Variants in KCNH6 observed in about 807,000 individuals in gnomAD.
KCNH6 encodes voltage-gated inwardly rectifying potassium channel KCNH6.
In KCNH6, 81 loss-of-function variants were observed where a neutral mutation model predicts 83.4. That is an observed-to-expected ratio of 0.97 (90% CI 0.81 to 1.17). The LOEUF is 1.17. Ranked by LOEUF, KCNH6 falls within the 50% of genes most tolerant of loss-of-function variation. KCNH6 has a pLI of 0.00. For missense variants in KCNH6, 1,203 were observed against 1,290.5 expected (o/e 0.93, Z 1.04); for synonymous variants, 503 against 545.6 (o/e 0.92, Z 1.09).
In KCNH6 at chr17:63,538,245, A is replaced by G. The variant is rs768962274; in HGVS notation, c.1682A>G (p.Asn561Ser). The change falls in exon 7 of 13, where the codon AAT becomes AGT. Residue 561 changes from asparagine to serine, a missense_variant. Physicochemically the swap from Asn to Ser is conservative, Grantham distance 46. Coordinates refer to ENST00000314672, the MANE Select transcript of KCNH6 (RefSeq NM_001278919.2). This position sits in a 1 kb window ranked among gnomAD's most constrained non-coding sequence, Gnocchi z 4.0. ...EYFQHAWSYTNGIDMNAVLKG... is the reference protein window; with the variant it reads ...EYFQHAWSYTSGIDMNAVLKG... ...TTCCAGCACGCCTGGTCCTACACCA[A>G]TGGCATTGACATGAACGCGGTGAGC... 6.2e-7 allele frequency: 1 copy of G among 1,614,090 alleles called. No individual in the cohort carries two copies. The highest frequency in any genetic ancestry group is 1.7e-4 in the Middle Eastern group (1 of 6,060).
downstream of KCNH6, chr17:63,548,855 G>A (rs557441718): frequency 3.9e-5 from 6 of 152,254 alleles, no homozygotes; most frequent in African/African-American, 1.4e-4. Context: ...CAGCTACTCA[G>A]GAGGCTGAAG....
rs761650858 is a variant in KCNH6 at position 63,534,200 on chromosome 17, G to A, written c.990G>A (p.Val330=). ...CCTATGTCAACACCAATGATGAGGT[G>A]GTCAGCCACCCCCGCCGCATCGCCG... ...RTTYVNTNDE[V]VSHPRRIAVH... is the part of the protein sequence containing the mutation. The change falls in exon 5 of 13, where the codon GTG becomes GTA. Residue 330 remains valine, a synonymous_variant. Coordinates refer to ENST00000314672, the MANE Select transcript of KCNH6 (RefSeq NM_001278919.2). This position sits in a 1 kb window ranked among gnomAD's most constrained non-coding sequence, Gnocchi z 5.0. The A allele has an allele frequency of 1.2e-6, 2 of 1,613,960 alleles. No individual in the cohort carries two copies. Among genetic ancestry groups the A allele is most frequent in the South Asian group, 1.1e-5 (1 of 91,080 alleles).
rs778386771 is a variant in KCNH6 at position 63,534,285 on chromosome 17, CT to C, written c.1076del (p.Leu359ArgfsTer13). On this transcript the variant is annotated frameshift_variant, in exon 5 of 13. Transcript: ENST00000314672. LOFTEE classifies it high-confidence loss of function. This position sits in a 1 kb window ranked among gnomAD's most constrained non-coding sequence, Gnocchi z 5.0. The part of the protein sequence containing the change: ...DMVAAIPFDL[L>X]IFRTGSDETT... ...GGTGGCCGCCATCCCTTTCGACCTC[CT>C]GATCTTCCGCACTGGCTCCGATGAG... is the stretch of plus-strand genomic sequence containing the variant. 1 of 1,613,782 alleles carries C rather than the reference CT, an allele frequency of 6.2e-7. No homozygotes were observed. The highest frequency in any genetic ancestry group is 8.5e-7 in the Non-Finnish European group (1 of 1,179,770).
intron 11 of KCNH6, 55 bp from the exon 12 acceptor site, chr17:63,545,023 C>T (rs2147739547): frequency 1.3e-6 from 2 of 1,555,438 alleles, no homozygotes; most frequent in Non-Finnish European, 8.8e-7. Context: ...TGACAGCTGC[C>T]CTCAGGAACT....
At chr17:63,530,006 T>G in intron 2 of KCNH6, 85 bp from the exon 3 acceptor site, 1 of 1,463,278 alleles carries the variant, frequency 6.8e-7, no homozygotes, top group Non-Finnish European at 9.3e-7. Context: ...TCACTTGACC[T>G]TCACTCAGCC....
At chr17:63,536,163 T>G in intron 6 of KCNH6, 95 bp downstream of exon 6, 1 of 1,118,164 alleles carries the variant, frequency 8.9e-7, no homozygotes, top group South Asian at 1.4e-5. Flanking sequence ...ACATAACACA[T>G]AGCAACAATT....
At chr17:63,529,974 C>T in intron 2 of KCNH6, 117 bp from the exon 3 acceptor site, 1 of 1,090,692 alleles carries the variant, frequency 9.2e-7, no homozygotes, top group East Asian at 2.5e-5. Context: ...ACTGTCCAAG[C>T]CTCTTCACCC....
At chr17:63,536,177 G>A in intron 6 of KCNH6, 109 bp downstream of exon 6, 1 of 975,680 alleles carries the variant, frequency 1.0e-6, no homozygotes, top group Non-Finnish European at 1.6e-6. Context: ...AACAATTCAT[G>A]CAGTACACTG....
chr17:63,542,629 A>G (rs2032932010), intron 9 of KCNH6, among the ~76,000 whole-genome samples, 195 bp downstream of exon 9: 1 of 152,226 alleles, frequency 6.6e-6, no homozygotes, highest in Non-Finnish European at 1.5e-5. Flanking sequence ...GTAGGGTGCT[A>G]AGGGTGGGGC....
intron 2 of KCNH6, among the ~76,000 whole-genome samples, chr17:63,527,292 G>C (rs972037555): frequency 6.6e-6 from 1 of 152,224 alleles, no homozygotes; most frequent in South Asian, 2.1e-4. Context: ...CTAGGAGGCA[G>C]CATGCAGCGG....
At position 63,538,357 on chromosome 17, in the gene KCNH6, C is replaced by G; in HGVS notation, c.1702-53C>G. 1.3e-6 allele frequency: 2 copies of G among 1,595,320 alleles called. 1 individual carries two copies. The highest frequency in any genetic ancestry group is 1.7e-6 in the Non-Finnish European group (2 of 1,170,514). On this transcript the variant is annotated intron_variant, in intron 7 of 12. Transcript: ENST00000314672. This position sits in a 1 kb window ranked among gnomAD's most constrained non-coding sequence, Gnocchi z 4.0. Reference sequence around the variant, plus strand: ...GTCCCCAGAGCCCTCACCACCCTCTCCCCCAGCCCCACCCCGGCCGCGTCC... The same window carrying G: ...GTCCCCAGAGCCCTCACCACCCTCTGCCCCAGCCCCACCCCGGCCGCGTCC...
At chr17:63,527,536 A>T (rs1197527178) in intron 2 of KCNH6, among the ~76,000 whole-genome samples, 3 of 152,146 alleles carry the variant, frequency 2.0e-5, no homozygotes, top group Non-Finnish European at 4.4e-5. Context: ...GTAAGAACCT[A>T]GCATATAAGA....
At chr17:63,528,189 G>A (rs1229573451) in intron 2 of KCNH6, among the ~76,000 whole-genome samples, 1 of 152,238 alleles carries the variant, frequency 6.6e-6, no homozygotes. Context: ...GAGGCCACTG[G>A]CCAAGGAGGC....
Position 63,523,491 on chromosome 17 carries a change from T to G in KCNH6, c.76+2T>G. Reference sequence around the variant, plus strand: ...TCATCCGCAAGTTCGAGGGCCAAAGTGAGTGTGTGTATGTTGGGGCGGGGG... The same window carrying G: ...TCATCCGCAAGTTCGAGGGCCAAAGGGAGTGTGTGTATGTTGGGGCGGGGG... On this transcript the variant is annotated splice_donor_variant, in intron 1 of 12. Coordinates refer to ENST00000314672, the MANE Select transcript of KCNH6 (RefSeq NM_001278919.2). LOFTEE classifies it high-confidence loss of function. The surrounding 1 kb of genome is among the most constrained non-coding windows in gnomAD (Gnocchi z 4.2). 6.3e-7 allele frequency: 1 copy of G among 1,595,800 alleles called. No homozygotes were observed. Among genetic ancestry groups the G allele is most frequent in the African/African-American group, 1.4e-5 (1 of 71,744 alleles).
chr17:63,537,977 G>C (rs2147697322), intron 6 of KCNH6, 88 bp from the exon 7 acceptor site: 7 of 1,292,886 alleles, frequency 5.4e-6, no homozygotes, highest in East Asian at 2.5e-5. Flanking sequence ...TCACCAGGGG[G>C]CTGCTGGAAG....
intron 12 of KCNH6, 37 bp downstream of exon 12, chr17:63,545,301 A>G: frequency 6.2e-7 from 1 of 1,600,770 alleles, no homozygotes; most frequent in Non-Finnish European, 8.5e-7. Context: ...CTTACCTGCG[A>G]GCAGCTGCAT....
chr17:63,539,421 C>T (rs1399337102), intron 8 of KCNH6, among the ~76,000 whole-genome samples: 8 of 152,192 alleles, frequency 5.3e-5, no homozygotes, highest in African/African-American at 1.7e-4. Flanking sequence ...CTCGCTCCCA[C>T]GGCTTCAGCC....
In KCNH6 at chr17:63,545,630, GA is replaced by G; in HGVS notation, c.2606del (p.Asp869ValfsTer41). On this transcript the variant is annotated frameshift_variant, in exon 13 of 13. Coordinates refer to ENST00000314672, the MANE Select transcript of KCNH6 (RefSeq NM_001278919.2). LOFTEE classifies it low-confidence loss of function (END_TRUNC). ...PAQTPSYGDL[D>X]DCSPKHRNSS... is the part of the protein sequence containing the mutation. ...CCAGACCCCAAGCTATGGAGACTTG[GA>G]TGACTGTAGTCCAAAGCACAGGAAC... 6.2e-7 allele frequency: 1 copy of G among 1,613,786 alleles called. No homozygotes were observed. Among genetic ancestry groups the G allele is most frequent in the South Asian group, 1.1e-5 (1 of 91,076 alleles).
rs139684057 is a variant in KCNH6, at chr17:63,543,634, G to A, written c.2207G>A (p.Gly736Asp). 3.7e-6 allele frequency: 6 copies of A among 1,612,814 alleles called. No individual in the cohort carries two copies. In the African/African-American group the frequency reaches 8.0e-5, roughly 22 times the overall value. ...GCTCCTGGCAGCCAAGACCACCAAG[G>A]TTTCTTTCTCAGTGACAACCAGTCA... Reference protein sequence around the residue: ...RQAPGSQDHQGFFLSDNQSDA... With the variant: ...RQAPGSQDHQDFFLSDNQSDA... Residue 736 changes from glycine to aspartate, a missense_variant, in exon 10 of 13, where the codon GGT (glycine) becomes GAT (aspartate). Transcript: ENST00000314672.
Sources: allele counts gnomAD v4.1 joint callset (sites outside exome capture counted in the v4.1 genomes callset), GRCh38; gene constraint gnomAD v4.1.1; non-coding constraint Gnocchi (gnomAD v3.1); transcripts MANE v1.5; gene names NCBI Gene and HGNC (gene_info 2026-07-23, HGNC 2026-07-21).